Variants in NAV2 observed in about 807,000 individuals in gnomAD.
The protein encoded by NAV2 is neuron navigator 2, also known as helicase, APC down-regulated 1.
A neutral mutation model predicts 223.2 loss-of-function variants in NAV2; 54 were observed. The observed-to-expected ratio is 0.24, with a 90% CI of 0.19 to 0.30. The LOEUF is 0.30. NAV2 is among the 10% of genes least tolerant of loss of function. NAV2 has a pLI of 1.00. For synonymous variants in NAV2, 1,279 were observed against 1,239.3 expected (o/e 1.03, Z -0.67); for missense variants, 2,806 against 3,147.5 (o/e 0.89, Z 2.60).
At chr11:19,533,955 CT>C in intron 1 of NAV2, among the ~76,000 whole-genome samples, 1 of 151,250 alleles carries the variant, frequency 6.6e-6, no homozygotes, top group African/African-American at 2.5e-5. Flanking sequence ...ATCCGCCCGC[CT>C]CGGCCTCCCA....
At chr11:19,614,450 G>T (rs932780384) in intron 1 of NAV2, among the ~76,000 whole-genome samples, 1 of 151,982 alleles carries the variant, frequency 6.6e-6, no homozygotes. Context: ...GTAGTTTTAG[G>T]TTTACAGCAA....
At chr11:19,725,272 C>T (rs2051141444) in intron 1 of NAV2, among the ~76,000 whole-genome samples, 1 of 152,194 alleles carries the variant, frequency 6.6e-6, no homozygotes, top group Admixed American at 6.5e-5. Context: ...GTCTGAATCT[C>T]AGGCAGTGAC....
upstream of NAV2, among the ~76,000 whole-genome samples, chr11:19,346,910 A>T (rs1288562217): frequency 6.6e-6 from 1 of 152,250 alleles, no homozygotes; most frequent in East Asian, 1.9e-4. Context: ...AGGGCTAATT[A>T]AAAATGCGAT....
At chr11:19,392,075 AC>A (rs1177640817) in intron 1 of NAV2, among the ~76,000 whole-genome samples, 1 of 152,240 alleles carries the variant, frequency 6.6e-6, no homozygotes, top group East Asian at 1.9e-4. Flanking sequence ...GTTTCTAGGA[AC>A]CAAGGATTAA....
intron 1 of NAV2, among the ~76,000 whole-genome samples, chr11:19,648,963 C>T (rs988314691): frequency 1.3e-5 from 2 of 152,088 alleles, no homozygotes; most frequent in Non-Finnish European, 2.9e-5. Context: ...GATTTTATTA[C>T]ACTTGATGTT....
chr11:19,964,553 T>C (rs2048601487), intron 10 of NAV2, among the ~76,000 whole-genome samples: 1 of 151,066 alleles, frequency 6.6e-6, no homozygotes, highest in Admixed American at 6.6e-5. Flanking sequence ...TGGAGTGCAA[T>C]AGCATGATCA....
intron 1 of NAV2, among the ~76,000 whole-genome samples, chr11:19,724,145 C>T (rs963439577): frequency 3.3e-5 from 5 of 152,144 alleles, no homozygotes; most frequent in Middle Eastern, 3.2e-3. Flanking sequence ...GATGAAGAAA[C>T]CATGACCCAG....
At chr11:19,467,053 A>C (rs1273100124) in intron 1 of NAV2, among the ~76,000 whole-genome samples, 1 of 151,820 alleles carries the variant, frequency 6.6e-6, no homozygotes, top group Non-Finnish European at 1.5e-5. Flanking sequence ...AGATAGATAG[A>C]GAGAGAGAGA....
At chr11:19,980,052 T>C (rs1175559742) in intron 10 of NAV2, among the ~76,000 whole-genome samples, 1 of 152,218 alleles carries the variant, frequency 6.6e-6, no homozygotes, top group African/African-American at 2.4e-5. Context: ...GTATACTAGG[T>C]CCTTCAGCCA....
At chr11:19,682,352 G>A (rs1012666776) in intron 1 of NAV2, among the ~76,000 whole-genome samples, 1 of 152,202 alleles carries the variant, frequency 6.6e-6, no homozygotes, top group Non-Finnish European at 1.5e-5. Context: ...CTTAACAGAT[G>A]AGGACACTGA....
At chr11:19,969,817 G>T (rs1206097050) in intron 10 of NAV2, among the ~76,000 whole-genome samples, 1 of 151,750 alleles carries the variant, frequency 6.6e-6, no homozygotes, top group Non-Finnish European at 1.5e-5. Flanking sequence ...GTGGTGGCAG[G>T]TGCCTGTAGT....
intron 1 of NAV2, among the ~76,000 whole-genome samples, chr11:19,722,849 G>A (rs1263826795): frequency 1.3e-5 from 2 of 152,224 alleles, no homozygotes; most frequent in Non-Finnish European, 2.9e-5. Flanking sequence ...CCTGAACACT[G>A]TCTGGAGCCA....
At chr11:20,054,884 A>G (rs371092945) in intron 18 of NAV2, among the ~76,000 whole-genome samples, 1 of 152,350 alleles carries the variant, frequency 6.6e-6, no homozygotes, top group East Asian at 1.9e-4. Flanking sequence ...AGAGTAAAAG[A>G]GAACAATCCA....
chr11:19,374,333 T>A (rs2702730), intron 1 of NAV2, among the ~76,000 whole-genome samples: 33,180 of 110,412 alleles, frequency 0.3, 4,341 homozygotes, highest in East Asian at 0.54. Context: ...TTTTTTTTTT[T>A]AAAATCAGCT....
At chr11:19,498,742 T>C in intron 1 of NAV2, among the ~76,000 whole-genome samples, 1 of 152,224 alleles carries the variant, frequency 6.6e-6, no homozygotes, top group East Asian at 1.9e-4. Context: ...TGAGCTACTA[T>C]TGTCTGCTGT....
At chr11:19,642,577 T>C (rs114250239) in intron 1 of NAV2, among the ~76,000 whole-genome samples, 398 of 152,244 alleles carry the variant, frequency 2.6e-3, no homozygotes, top group African/African-American at 9.2e-3. Context: ...CCACCTGGGC[T>C]CTCTGGATGT....
chr11:19,958,390 G>A (rs1199107234), intron 10 of NAV2, among the ~76,000 whole-genome samples: 1 of 152,222 alleles, frequency 6.6e-6, no homozygotes, highest in African/African-American at 2.4e-5. Flanking sequence ...ATGCAACAGG[G>A]CACTGTGTAG....
At chr11:20,036,427 C>T (rs2056380237) in intron 12 of NAV2, among the ~76,000 whole-genome samples, 1 of 152,194 alleles carries the variant, frequency 6.6e-6, no homozygotes, top group South Asian at 2.1e-4. Flanking sequence ...TAGCAATTTT[C>T]AGCCCAGAGT....
rs981688708 is a variant in NAV2, at chr11:19,350,790, G to C, written c.-163G>C. 1.0e-5 allele frequency: 7 copies of C among 672,662 alleles called. No homozygotes were observed. The African/African-American group carries it at 1.3e-4, about 12-fold the overall frequency. The allele number at this position is 672,662 out of a possible 1,614,324, so 41.7% of individuals were successfully genotyped here. ...TGGTGCCGAGTGAGGTTCCCGAGTG[G>C]ATTTTAAGAAGACAGGAAGACCTTT... is the stretch of plus-strand genomic sequence containing the variant. On this transcript the variant is annotated 5_prime_UTR_variant, in exon 1 of 38. Transcript: ENST00000360655.
Sources: allele counts gnomAD v4.1 joint callset (sites outside exome capture counted in the v4.1 genomes callset), GRCh38; gene constraint gnomAD v4.1.1; transcripts MANE v1.5; gene names NCBI Gene and HGNC (gene_info 2026-07-23, HGNC 2026-07-21).